Variants in CADPS2 observed in about 807,000 individuals in gnomAD.
CADPS2 encodes calcium dependent secretion activator 2.
CADPS2 carries 93 observed loss-of-function variants against 172.5 expected under a neutral mutation model. The observed-to-expected ratio is 0.54, with a 90% CI of 0.46 to 0.64. CADPS2 has a LOEUF of 0.64. CADPS2 is among the 30% of genes least tolerant of loss of function. The pLI is 0.00. For missense variants in CADPS2, 1,420 were observed against 1,565.9 expected (o/e 0.91, Z 1.57); for synonymous variants, 546 against 555.2 (o/e 0.98, Z 0.23).
At chr7:122,449,474 C>A (rs2052758326) in intron 15 of CADPS2, among the ~76,000 whole-genome samples, 1 of 151,974 alleles carries the variant, frequency 6.6e-6, no homozygotes, top group South Asian at 2.1e-4. Flanking sequence ...CACCACCACA[C>A]CCAGATAATT....
intron 1 of CADPS2, among the ~76,000 whole-genome samples, chr7:122,828,584 C>T (rs770547801): frequency 1.3e-5 from 2 of 152,130 alleles, no homozygotes; most frequent in Non-Finnish European, 2.9e-5. Context: ...ATAAAAGTCA[C>T]GGAGACAAGT....
intron 28 of CADPS2, among the ~76,000 whole-genome samples, chr7:122,325,851 A>G (rs2033729438): frequency 6.6e-6 from 1 of 152,218 alleles, no homozygotes; most frequent in East Asian, 1.9e-4. Flanking sequence ...GTGTTTTTGC[A>G]CTTTGCAGCC....
chr7:122,846,798 C>G (rs1812107376), intron 1 of CADPS2, among the ~76,000 whole-genome samples: 1 of 152,190 alleles, frequency 6.6e-6, no homozygotes, highest in South Asian at 2.1e-4. Flanking sequence ...CTGAGATGAT[C>G]TTCAAGCTGG....
intron 1 of CADPS2, among the ~76,000 whole-genome samples, chr7:122,804,903 T>C (rs566815561): frequency 6.6e-6 from 1 of 152,348 alleles, no homozygotes; most frequent in East Asian, 1.9e-4. Flanking sequence ...ACTAAAATTG[T>C]ACATGAAACA....
At chr7:122,465,663 T>C (rs2055039565) in intron 14 of CADPS2, among the ~76,000 whole-genome samples, 1 of 152,136 alleles carries the variant, frequency 6.6e-6, no homozygotes, top group Non-Finnish European at 1.5e-5. Flanking sequence ...TTCCACCCCA[T>C]CCATGAAAAA....
intron 2 of CADPS2, chr7:122,698,007 C>A: frequency 6.2e-7 from 1 of 1,613,318 alleles, no homozygotes; most frequent in Non-Finnish European, 8.5e-7. Flanking sequence ...CTTGAATCCC[C>A]AAAACTTTAA....
chr7:122,709,480 A>G (rs1484941976), intron 2 of CADPS2, among the ~76,000 whole-genome samples: 1 of 151,938 alleles, frequency 6.6e-6, no homozygotes, highest in South Asian at 2.1e-4. Flanking sequence ...TAGTTCAACC[A>G]TTGTGGAAGC....
chr7:122,372,012 AT>A (rs1451132783), intron 25 of CADPS2, among the ~76,000 whole-genome samples: 3 of 152,192 alleles, frequency 2.0e-5, no homozygotes, highest in African/African-American at 7.2e-5. Context: ...ATCAACTAAT[AT>A]TTAACAATGC....
chr7:122,349,837 C>A (rs898209522), intron 27 of CADPS2, among the ~76,000 whole-genome samples: 1 of 152,340 alleles, frequency 6.6e-6, no homozygotes, highest in South Asian at 2.1e-4. Context: ...TGCAAGTCTT[C>A]GCTTTCCCTA....
intron 8 of CADPS2, among the ~76,000 whole-genome samples, chr7:122,521,148 G>A (rs2131026914): frequency 6.6e-6 from 1 of 152,242 alleles, no homozygotes; most frequent in East Asian, 1.9e-4. Context: ...CTCAGTCAAG[G>A]TTGAAAGAGC....
In CADPS2 at chr7:122,885,607, C is replaced by G. The variant is rs944916091; in HGVS notation, c.339+392G>C. ...CACTCATTCAGACCCTCGGCAAACC[C>G]AGCTCTAGCAATATCACGCCAGGCT... On this transcript the variant is annotated intron_variant, in intron 1 of 29. Coordinates refer to ENST00000449022, the MANE Select transcript of CADPS2 (RefSeq NM_017954.11). 4.6e-5 allele frequency among the ~76,000 whole-genome samples: 7 copies of G among 152,288 alleles called. No homozygotes were observed. In the South Asian group the frequency reaches 1.0e-3, roughly 23 times the overall value.
intron 2 of CADPS2, among the ~76,000 whole-genome samples, chr7:122,689,542 A>G (rs2084059305): frequency 6.6e-6 from 1 of 152,176 alleles, no homozygotes; most frequent in African/African-American, 2.4e-5. Context: ...CCCACTCACA[A>G]AAACTGGAAA....
intron 25 of CADPS2, among the ~76,000 whole-genome samples, chr7:122,378,035 A>G (rs934084979): frequency 3.9e-5 from 6 of 152,186 alleles, no homozygotes; most frequent in South Asian, 2.1e-4. Flanking sequence ...TTCCTATAAG[A>G]TGCAAATTCA....
intron 7 of CADPS2, among the ~76,000 whole-genome samples, chr7:122,570,244 A>G (rs1232877871): frequency 6.6e-6 from 1 of 152,208 alleles, no homozygotes; most frequent in South Asian, 2.1e-4. Flanking sequence ...ACACTTCTCA[A>G]AAGAAGACAT....
chr7:122,593,973 T>C (rs184235282), intron 6 of CADPS2, among the ~76,000 whole-genome samples: 83 of 152,210 alleles, frequency 5.5e-4, no homozygotes, highest in African/African-American at 2.0e-3. Flanking sequence ...TAAAACATAA[T>C]TTACAGTCTA....
At chr7:122,732,806 A>C (rs2091793879) in intron 2 of CADPS2, among the ~76,000 whole-genome samples, 1 of 141,204 alleles carries the variant, frequency 7.1e-6, no homozygotes, top group Admixed American at 7.3e-5. Flanking sequence ...ATTATATATT[A>C]TATACATAAT....
At chr7:122,697,301 A>T (rs2085271391) in intron 2 of CADPS2, among the ~76,000 whole-genome samples, 1 of 152,154 alleles carries the variant, frequency 6.6e-6, no homozygotes, top group Non-Finnish European at 1.5e-5. Context: ...CAAAAGAAAA[A>T]AACAGCACAA....
intron 1 of CADPS2, among the ~76,000 whole-genome samples, chr7:122,831,576 A>T (rs1046196541): frequency 6.6e-6 from 1 of 152,344 alleles, no homozygotes; most frequent in Admixed American, 6.5e-5. Flanking sequence ...GCTGTTTCAC[A>T]TTAAGTCCCT....
chr7:122,702,723 T>C, intron 2 of CADPS2: 1 of 1,609,234 alleles, frequency 6.2e-7, no homozygotes, highest in South Asian at 1.1e-5. Flanking sequence ...GAACTATGCG[T>C]CGAAGGGGTA....
Sources: allele counts gnomAD v4.1 joint callset (sites outside exome capture counted in the v4.1 genomes callset), GRCh38; gene constraint gnomAD v4.1.1; transcripts MANE v1.5; gene names NCBI Gene and HGNC (gene_info 2026-07-23, HGNC 2026-07-21).